CSMD1: variants seen among roughly 807,000 people sequenced by gnomAD.
The protein encoded by CSMD1 is CUB and sushi domain-containing protein 1.
Under a neutral mutation model 417.5 loss-of-function variants are expected in CSMD1, and 213 were observed. The ratio of observed to expected loss-of-function variants is 0.51; its 90% CI spans 0.46 to 0.57. The LOEUF (loss-of-function observed/expected upper bound fraction) is 0.57, where lower values mean the gene tolerates loss of function less well. CSMD1 is among the 20% of genes least tolerant of loss of function. The pLI is 0.00. For missense variants in CSMD1, 6,923 were observed against 4,529.7 expected (o/e 1.53, Z -15.17); for synonymous variants, 2,862 against 1,736.8 (o/e 1.65, Z -16.11).
chr8:3,993,319 T>A (rs773857622), intron 5 of CSMD1, among the ~76,000 whole-genome samples: 19 of 152,326 alleles, frequency 1.2e-4, no homozygotes, highest in Admixed American at 2.6e-4. Flanking sequence ...AGGATTGATT[T>A]CAGGGAGTCT....
intron 1 of CSMD1, among the ~76,000 whole-genome samples, chr8:4,731,306 G>A (rs1428459510): frequency 1.3e-5 from 2 of 152,094 alleles, no homozygotes; most frequent in African/African-American, 4.8e-5. Context: ...TCCGTCTTTG[G>A]AATCAGCAGT....
chr8:3,860,623 G>A (rs556662785), intron 5 of CSMD1, among the ~76,000 whole-genome samples: 2 of 152,162 alleles, frequency 1.3e-5, no homozygotes, highest in Admixed American at 6.5e-5. Flanking sequence ...GACACTATTA[G>A]TTACAGTCCA....
intron 3 of CSMD1, among the ~76,000 whole-genome samples, chr8:4,148,711 G>C (rs10100901): frequency 0.31 from 46,870 of 151,800 alleles, 9,078 homozygotes; most frequent in Non-Finnish European, 0.42. Context: ...CCCACAGCGA[G>C]GGCTCCACTC....
chr8:3,275,807 G>A (rs1200974914), intron 26 of CSMD1, among the ~76,000 whole-genome samples: 1 of 151,964 alleles, frequency 6.6e-6, no homozygotes, highest in Non-Finnish European at 1.5e-5. Flanking sequence ...TCTCTGTATT[G>A]GTTATTCTAG....
At chr8:3,092,207 A>C (rs1234009275) in intron 47 of CSMD1, among the ~76,000 whole-genome samples, 12 of 152,212 alleles carry the variant, frequency 7.9e-5, no homozygotes, top group Non-Finnish European at 1.5e-5. Flanking sequence ...GTTTTAAAAA[A>C]AGAATTGAAG....
intron 2 of CSMD1, among the ~76,000 whole-genome samples, chr8:4,512,244 A>T (rs989400645): frequency 6.6e-6 from 1 of 152,200 alleles, no homozygotes; most frequent in Admixed American, 6.6e-5. Context: ...CATATTTATG[A>T]TTCAAAAAAT....
At chr8:4,256,698 G>T (rs1803478601) in intron 3 of CSMD1, among the ~76,000 whole-genome samples, 1 of 150,400 alleles carries the variant, frequency 6.6e-6, no homozygotes, top group African/African-American at 2.5e-5. Flanking sequence ...AGATGGGCCG[G>T]GCGTGGTGTG....
At chr8:4,043,151 TA>T (rs1343789343) in intron 3 of CSMD1, among the ~76,000 whole-genome samples, 3 of 151,440 alleles carry the variant, frequency 2.0e-5, no homozygotes, top group African/African-American at 4.8e-5. Context: ...AACAAAACAA[TA>T]AAAAAAGCAG....
chr8:3,949,432 A>C (rs1003960352), intron 5 of CSMD1, among the ~76,000 whole-genome samples: 1 of 152,190 alleles, frequency 6.6e-6, no homozygotes, highest in African/African-American at 2.4e-5. Flanking sequence ...GGTATATAGA[A>C]GCTCTAACAA....
chr8:4,380,002 G>A (rs1007464786), intron 3 of CSMD1, among the ~76,000 whole-genome samples: 1 of 152,130 alleles, frequency 6.6e-6, no homozygotes, highest in Non-Finnish European at 1.5e-5. Flanking sequence ...ATTGCAGAGA[G>A]GACTGCTGAA....
At chr8:4,558,035 C>A (rs1320016658) in intron 2 of CSMD1, among the ~76,000 whole-genome samples, 1 of 152,158 alleles carries the variant, frequency 6.6e-6, no homozygotes, top group Non-Finnish European at 1.5e-5. Context: ...TGAGCTATGG[C>A]TAACAATGCC....
chr8:4,260,400 C>T (rs1252342526), intron 3 of CSMD1, among the ~76,000 whole-genome samples: 1 of 152,098 alleles, frequency 6.6e-6, no homozygotes, highest in African/African-American at 2.4e-5. Context: ...TTTGTTAACA[C>T]TAAAAATTAT....
intron 6 of CSMD1, among the ~76,000 whole-genome samples, chr8:3,719,943 G>A (rs1802056184): frequency 6.6e-6 from 1 of 152,150 alleles, no homozygotes. Flanking sequence ...TTCCTCGTGT[G>A]TTTAATAAAG....
In CSMD1 at chr8:3,992,116, G is replaced by GTA. The variant is rs1271661355; in HGVS notation, c.818+5785_818+5786dup. On this transcript the variant is annotated intron_variant, in intron 5 of 69. Transcript: ENST00000635120. ...AGAGTATCAAGAAAAGGAGAAATGTGTATATATATGTGTGTGTGTGTGTAT... is the reference window on the plus strand; with the variant it reads ...AGAGTATCAAGAAAAGGAGAAATGTGTATATATATATGTGTGTGTGTGTGTAT... Among the ~76,000 whole-genome samples the GTA allele has an allele frequency of 3.6e-4, 50 of 140,740 alleles. No homozygotes were observed. In the East Asian group the frequency reaches 9.6e-3, roughly 27 times the overall value. The allele number at this position is 140,740 out of a possible 152,430, so 92.3% of individuals were successfully genotyped here. A position where few individuals can be genotyped will look rare whatever the true frequency, so the allele number is the denominator to read the frequency against.
chr8:2,963,071 C>G, intron 60 of CSMD1, 151 bp downstream of exon 60: 1 of 824,440 alleles, frequency 1.2e-6, no homozygotes, highest in Admixed American at 2.6e-5. Context: ...TGCCCTTAGG[C>G]AACACAGTCT....
chr8:3,086,599 G>A (rs1304020733), intron 49 of CSMD1, among the ~76,000 whole-genome samples: 2 of 152,000 alleles, frequency 1.3e-5, no homozygotes, highest in Non-Finnish European at 2.9e-5. Flanking sequence ...TTGAAAACCT[G>A]ATTTTTATGC....
chr8:4,355,318 C>A (rs1018899472), intron 3 of CSMD1, among the ~76,000 whole-genome samples: 7 of 130,328 alleles, frequency 5.4e-5, no homozygotes, highest in African/African-American at 1.7e-4. Flanking sequence ...CACACACACA[C>A]ACACACGCAC....
chr8:3,298,021 G>C (rs116641842), intron 25 of CSMD1, among the ~76,000 whole-genome samples: 3,276 of 152,116 alleles, frequency 0.022, 114 homozygotes, highest in African/African-American at 0.074. Context: ...AGTCGTCAGG[G>C]AAATGCAAAT....
At chr8:3,442,137 G>C (rs1815025050) in intron 12 of CSMD1, among the ~76,000 whole-genome samples, 2 of 151,632 alleles carry the variant, frequency 1.3e-5, no homozygotes, top group Non-Finnish European at 2.9e-5. Context: ...AAATATTTTT[G>C]TGCAACTGTA....
Sources: allele counts gnomAD v4.1 joint callset (sites outside exome capture counted in the v4.1 genomes callset), GRCh38; gene constraint gnomAD v4.1.1; transcripts MANE v1.5; gene names NCBI Gene and HGNC (gene_info 2026-07-23, HGNC 2026-07-21).